Variants in NEDD9 observed in about 807,000 individuals in gnomAD.
The protein encoded by NEDD9 is enhancer of filamentation 1.
Under a neutral mutation model 76.6 loss-of-function variants are expected in NEDD9, and 26 were observed. That is an observed-to-expected ratio of 0.34 (90% CI 0.25 to 0.47). The LOEUF (loss-of-function observed/expected upper bound fraction) is 0.47. Among genes scored for constraint, NEDD9 ranks in the 20% least tolerant of loss-of-function variants. NEDD9 has a pLI of 1.00. For missense variants in NEDD9, 937 were observed against 1,058.5 expected, an observed-to-expected ratio of 0.89 and a Z score of 1.59; for synonymous variants, 392 against 414.2, an observed-to-expected ratio of 0.95 and a Z score of 0.65.
In NEDD9 at chr6:11,190,092, C is replaced by G. The variant is rs747404886; in HGVS notation, c.1777G>C (p.Asp593His). Residue 593 changes from aspartate to histidine, a missense_variant, in exon 5 of 7, where the codon GAC becomes CAC. Asp to His is a moderately conservative substitution (Grantham distance 81). Coordinates refer to ENST00000379446, the MANE Select transcript of NEDD9 (RefSeq NM_006403.4). The surrounding 1 kb of genome is among the most constrained non-coding windows in gnomAD (Gnocchi z 5.8). ...GSQGQLLHPGDHKAQAHNKAL... is the reference protein window; with the variant it reads ...GSQGQLLHPGHHKAQAHNKAL... ...TTGTTGTGGGCCTGGGCCTTGTGGT[C>G]ACCAGGATGCAGCAGCTGTCCCTGG... 6.2e-7 allele frequency: 1 copy of G among 1,608,994 alleles called. No homozygotes were observed. Among genetic ancestry groups the G allele is most frequent in the Non-Finnish European group, 8.5e-7 (1 of 1,177,010 alleles).
At chr6:11,336,384 C>T (rs1404366878) in intron 1 of NEDD9, among the ~76,000 whole-genome samples, 3 of 152,194 alleles carry the variant, frequency 2.0e-5, no homozygotes, top group Non-Finnish European at 4.4e-5. Flanking sequence ...GCCTATTGCT[C>T]CTAGGCTACA....
chr6:11,211,635 G>A (rs1293002964), intron 2 of NEDD9, among the ~76,000 whole-genome samples: 3 of 152,148 alleles, frequency 2.0e-5, no homozygotes, highest in African/African-American at 7.2e-5. Flanking sequence ...CAATTCCTAG[G>A]ACAAGGAAGA....
At chr6:11,272,855 T>C (rs1039293612) in intron 3 of NEDD9, among the ~76,000 whole-genome samples, 3 of 152,242 alleles carry the variant, frequency 2.0e-5, no homozygotes, top group African/African-American at 7.2e-5. Context: ...GGAGCGTTGT[T>C]TACCCATACA....
At chr6:11,311,750 G>T (rs1198968537) in intron 2 of NEDD9, among the ~76,000 whole-genome samples, 1 of 152,208 alleles carries the variant, frequency 6.6e-6, no homozygotes, top group Non-Finnish European at 1.5e-5. Flanking sequence ...GCTCACGCCT[G>T]TAATCCTAGC....
intron 3 of NEDD9, among the ~76,000 whole-genome samples, chr6:11,265,675 T>G (rs924441523): frequency 1.9e-4 from 29 of 152,278 alleles, no homozygotes; most frequent in African/African-American, 6.3e-4. Flanking sequence ...AGGGGAGAGG[T>G]GTCATTGGTA....
rs78644770 is a variant in NEDD9 at position 11,194,231 on chromosome 6, A to C, written c.460-539T>G. ...CCCTAAAATATCTCTATCACCCTTAATTGTGATCATCTCAAAGTTCATCAG... is the reference window on the plus strand; with the variant it reads ...CCCTAAAATATCTCTATCACCCTTACTTGTGATCATCTCAAAGTTCATCAG... On this transcript the variant is annotated intron_variant, in intron 2 of 6. Transcript: ENST00000379446. Among the ~76,000 whole-genome samples the C allele has an allele frequency of 4.6e-5, 7 of 152,288 alleles. No individual in the cohort carries two copies. The East Asian group carries it at 1.2e-3, about 25-fold the overall frequency.
chr6:11,190,783 C>T lies in NEDD9; in HGVS notation c.1086G>A (p.Val362=). 1.2e-6 allele frequency: 2 copies of T among 1,614,174 alleles called. No homozygotes were observed. The highest frequency in any genetic ancestry group is 8.5e-7 in the Non-Finnish European group (1 of 1,180,020). ...PPDAKGSRDL[V]DGINRLSFSS... Reference sequence around the variant, plus strand: ...AGAAAGACAATCGGTTGATCCCATCCACCAAGTCCCGAGAGCCTTTAGCAT... The same window carrying T: ...AGAAAGACAATCGGTTGATCCCATCTACCAAGTCCCGAGAGCCTTTAGCAT... Residue 362 remains valine, a synonymous_variant, in exon 5 of 7, where the codon GTG becomes GTA. Transcript: ENST00000379446. The surrounding 1 kb of genome is among the most constrained non-coding windows in gnomAD (Gnocchi z 5.8).
chr6:11,350,171 C>G (rs143535416), intron 1 of NEDD9, among the ~76,000 whole-genome samples: 10 of 152,234 alleles, frequency 6.6e-5, no homozygotes, highest in Admixed American at 4.6e-4. Flanking sequence ...AAAAAAGGTA[C>G]ATATATATCT....
chr6:11,224,775 G>A (rs1374692434), intron 1 of NEDD9, among the ~76,000 whole-genome samples: 1 of 152,136 alleles, frequency 6.6e-6, no homozygotes, highest in African/African-American at 2.4e-5. Flanking sequence ...GTGTTGGGGG[G>A]CAGAAAAGCC....
At chr6:11,255,583 C>T (rs1471459411) in intron 3 of NEDD9, among the ~76,000 whole-genome samples, 3 of 152,036 alleles carry the variant, frequency 2.0e-5, no homozygotes, top group East Asian at 1.9e-4. Flanking sequence ...CAGAAGGAAG[C>T]TTGGGGCATC....
At chr6:11,201,592 C>T (rs1172690052) in intron 2 of NEDD9, among the ~76,000 whole-genome samples, 1 of 152,140 alleles carries the variant, frequency 6.6e-6, no homozygotes, top group Non-Finnish European at 1.5e-5. Flanking sequence ...GGAGAGGAGA[C>T]TGGGTAACTT....
At chr6:11,289,833 C>T (rs61260662) in intron 3 of NEDD9, among the ~76,000 whole-genome samples, 103 of 152,236 alleles carry the variant, frequency 6.8e-4, no homozygotes, top group African/African-American at 2.4e-3. Context: ...AGAAGGAGAT[C>T]TCAGACTGTT....
At chr6:11,286,064 ACT>A (rs1244481766) in intron 3 of NEDD9, among the ~76,000 whole-genome samples, 1 of 152,214 alleles carries the variant, frequency 6.6e-6, no homozygotes, top group Non-Finnish European at 1.5e-5. Flanking sequence ...CAAGCCAGAC[ACT>A]GGCGGAAAAT....
chr6:11,242,456 G>T (rs1287765565), intron 3 of NEDD9, among the ~76,000 whole-genome samples: 1 of 152,106 alleles, frequency 6.6e-6, no homozygotes, highest in Non-Finnish European at 1.5e-5. Flanking sequence ...GTGGAGAGTA[G>T]TGACAAGAAG....
At position 11,241,753 on chromosome 6, in the gene NEDD9, G is replaced by T. The variant is rs1759711209; in HGVS notation, c.13-28026C>A. Among the ~76,000 whole-genome samples the T allele has an allele frequency of 6.6e-6, 1 of 152,152 alleles. No individual in the cohort carries two copies. Among genetic ancestry groups the T allele is most frequent in the African/African-American group, 2.4e-5 (1 of 41,436 alleles). On this transcript the variant is annotated intron_variant, in intron 3 of 3. Transcript: ENST00000397378. The surrounding 1 kb of genome is among the most constrained non-coding windows in gnomAD (Gnocchi z 4.0). ...GCCTTAAAAGAGCCCAGCTGACCCA[G>T]CCCTCCAAGAAGGCCTCCCTCCCGT... is the stretch of plus-strand genomic sequence containing the variant.
rs141905596 is a variant in NEDD9 at position 11,232,368 on chromosome 6, C to G, written c.12+136G>C. Reference sequence around the variant, plus strand: ...GCTTGCTTGTCTGCTTGCATGTCAACCTCAGTGACCGAGACTCATCTTAGA... The same window carrying G: ...GCTTGCTTGTCTGCTTGCATGTCAAGCTCAGTGACCGAGACTCATCTTAGA... On this transcript the variant is annotated intron_variant, in intron 1 of 6. Transcript: ENST00000379446. 3.7e-6 allele frequency: 4 copies of G among 1,080,584 alleles called. No individual in the cohort carries two copies. In the South Asian group the frequency reaches 4.2e-5, roughly 11 times the overall value. 66.9% of individuals were successfully genotyped at this position (1,080,584 alleles called of 1,614,324 possible). A position where few individuals can be genotyped will look rare whatever the true frequency, so the allele number is the denominator to read the frequency against.
chr6:11,247,287 A>G (rs1759829869), intron 3 of NEDD9, among the ~76,000 whole-genome samples: 1 of 152,094 alleles, frequency 6.6e-6, no homozygotes, highest in Non-Finnish European at 1.5e-5. Flanking sequence ...AATTTGTACT[A>G]TGCTCAAAGT....
At chr6:11,310,034 C>G (rs1022579013) in intron 2 of NEDD9, among the ~76,000 whole-genome samples, 3 of 152,106 alleles carry the variant, frequency 2.0e-5, no homozygotes, top group Admixed American at 6.5e-5. Context: ...CAGCTGGTAC[C>G]AACCTCATCC....
intron 6 of NEDD9, 103 bp downstream of exon 6, chr6:11,188,115 G>A: frequency 1.1e-6 from 1 of 921,172 alleles, no homozygotes. Flanking sequence ...CTGCCAGTGA[G>A]CTGGAAGAAT....
Sources: allele counts gnomAD v4.1 joint callset (sites outside exome capture counted in the v4.1 genomes callset), GRCh38; gene constraint gnomAD v4.1.1; non-coding constraint Gnocchi (gnomAD v3.1); transcripts MANE v1.5; gene names NCBI Gene and HGNC (gene_info 2026-07-23, HGNC 2026-07-21).